SPTBN1: variants seen among roughly 807,000 people sequenced by gnomAD.
SPTBN1 encodes spectrin beta, non-erythrocytic 1, also known as spectrin beta chain, non-erythrocytic 1.
SPTBN1 carries 32 observed loss-of-function variants against 266.4 expected under a neutral mutation model. The ratio of observed to expected loss-of-function variants is 0.12; its 90% CI spans 0.09 to 0.16. SPTBN1 has a LOEUF of 0.16. Among genes scored for constraint, SPTBN1 ranks in the 10% least tolerant of loss-of-function variants. The probability of loss-of-function intolerance (pLI) is 1.00; values close to 1 mark genes in which losing one functional copy is unlikely to be tolerated. For synonymous variants in SPTBN1, 1,336 were observed against 1,162.2 expected, an observed-to-expected ratio of 1.15 and a Z score of -3.04; for missense variants, 2,296 against 3,067.1, an observed-to-expected ratio of 0.75 and a Z score of 5.94.
chr2:54,530,299 T>G (rs1022082913), intron 2 of SPTBN1, among the ~76,000 whole-genome samples: 3 of 148,894 alleles, frequency 2.0e-5, no homozygotes, highest in African/African-American at 7.3e-5. Flanking sequence ...TTACTAATTC[T>G]CACCCAGTTG....
chr2:54,495,679 T>TTTTTTTTTTTTTTTTTTTTTTTATACTC (rs1279259203), intron 1 of SPTBN1, among the ~76,000 whole-genome samples: 7 of 143,078 alleles, frequency 4.9e-5, no homozygotes, highest in South Asian at 2.2e-4. Context: ...GCATGTGTTT[T>TTTTTTTTTTTTTTTTTTTTTTTATACTC]TACCTTTATT....
chr2:54,649,450 C>T lies in SPTBN1; in HGVS notation c.5203-165C>T. On this transcript the variant is annotated intron_variant, in intron 25 of 35. Transcript: ENST00000356805. The surrounding 1 kb of genome is among the most constrained non-coding windows in gnomAD (Gnocchi z 6.7). The stretch of plus-strand genomic sequence containing the variant: ...TGCTGCAGTGAGCAAGAAAGGAAAC[C>T]CAGTTGCTAAGAGGTTCTCGAGCTA... 8.5e-7 allele frequency: 1 copy of T among 1,177,028 alleles called. No individual in the cohort carries two copies. Among genetic ancestry groups the T allele is most frequent in the Non-Finnish European group, 1.2e-6 (1 of 858,062 alleles). 72.9% of individuals were successfully genotyped at this position (1,177,028 alleles called of 1,614,324 possible).
chr2:54,495,675 G>GTTTTTTTTTTTTTTTTTTTTTT (rs1553434192), intron 1 of SPTBN1, among the ~76,000 whole-genome samples: 1 of 99,778 alleles, frequency 1.0e-5, no homozygotes. Context: ...ATTTGCATGT[G>GTTTTTTTTTTTTTTTTTTTTTT]TTTTTACCTT....
At chr2:54,511,183 C>T (rs1669840745) in intron 1 of SPTBN1, among the ~76,000 whole-genome samples, 1 of 152,174 alleles carries the variant, frequency 6.6e-6, no homozygotes, top group Non-Finnish European at 1.5e-5. Context: ...TAGGCACCAT[C>T]GCTCATTTTT....
intron 2 of SPTBN1, among the ~76,000 whole-genome samples, chr2:54,594,916 C>A (rs888983912): frequency 6.8e-6 from 1 of 148,052 alleles, no homozygotes; most frequent in African/African-American, 2.5e-5. Context: ...CTCACTGCAA[C>A]CTTTTTCTCC....
At position 54,526,442 on chromosome 2, in the gene SPTBN1, C is replaced by T. The variant is rs751072695; in HGVS notation, c.24C>T (p.Asp8=). Reference sequence around the variant, plus strand: ...AGATGACGACCACAGTAGCCACAGACTATGACAACATTGAGATCCAGCAGC... The same window carrying T: ...AGATGACGACCACAGTAGCCACAGATTATGACAACATTGAGATCCAGCAGC... MTTTVAT[D]YDNIEIQQQY... The change falls in exon 2 of 36, where the codon GAC becomes GAT. Residue 8 remains aspartate, a synonymous_variant. Transcript: ENST00000356805. 2.5e-6 allele frequency: 4 copies of T among 1,614,210 alleles called. No homozygotes were observed. The highest frequency in any genetic ancestry group is 3.3e-5 in the Admixed American group (2 of 60,030).
chr2:54,577,283 A>G (rs967285109), intron 2 of SPTBN1, among the ~76,000 whole-genome samples: 1 of 152,170 alleles, frequency 6.6e-6, no homozygotes, highest in Non-Finnish European at 1.5e-5. Flanking sequence ...CTGCAAATAA[A>G]TGCATGGCCG....
At chr2:54,662,144 G>T in intron 32 of SPTBN1, 3 of 985,282 alleles carry the variant, frequency 3.0e-6, no homozygotes, top group Non-Finnish European at 3.6e-6. Flanking sequence ...TGGACTAATC[G>T]CTAAAGAGAA....
chr2:54,647,328 C>G lies in SPTBN1; in HGVS notation c.4997+67C>G, dbSNP rs953035319. 8 of 1,569,750 alleles carry G rather than the reference C, an allele frequency of 5.1e-6. No individual in the cohort carries two copies. The African/African-American group carries it at 9.5e-5, about 19-fold the overall frequency. On this transcript the variant is annotated intron_variant, in intron 24 of 35. Coordinates refer to ENST00000356805, the MANE Select transcript of SPTBN1 (RefSeq NM_003128.3). ...CTCTCAGTTAGGGTCTCTTGCTAAC[C>G]CCCACCAAAAGAAAATGTCAGCATT...
intron 2 of SPTBN1, among the ~76,000 whole-genome samples, chr2:54,559,104 T>C (rs1047738636): frequency 2.6e-5 from 4 of 152,242 alleles, no homozygotes; most frequent in African/African-American, 9.6e-5. Flanking sequence ...AGCACCTTTT[T>C]GGCTTTCTAG....
intron 1 of SPTBN1, among the ~76,000 whole-genome samples, chr2:54,512,058 G>A (rs1669882807): frequency 6.6e-6 from 1 of 151,964 alleles, no homozygotes; most frequent in Non-Finnish European, 1.5e-5. Context: ...TTCACAGTAG[G>A]GTTTGCGCTC....
chr2:54,549,378 A>T (rs1167082903), intron 2 of SPTBN1, among the ~76,000 whole-genome samples: 1 of 151,950 alleles, frequency 6.6e-6, no homozygotes, highest in Admixed American at 6.5e-5. Context: ...GCTGCAGCAT[A>T]TGACAGGATT....
intron 1 of SPTBN1, among the ~76,000 whole-genome samples, chr2:54,494,984 A>G (rs570158061): frequency 4.6e-5 from 7 of 151,976 alleles, no homozygotes; most frequent in Non-Finnish European, 1.0e-4. Context: ...CGTTCTTTAT[A>G]TCTCATCCAG....
At chr2:54,539,032 C>T (rs2104388548) in intron 2 of SPTBN1, among the ~76,000 whole-genome samples, 1 of 152,314 alleles carries the variant, frequency 6.6e-6, no homozygotes, top group Non-Finnish European at 1.5e-5. Context: ...CTTTCCTCTT[C>T]AAGAAACTTC....
intron 1 of SPTBN1, among the ~76,000 whole-genome samples, chr2:54,461,063 G>A (rs1370813511): frequency 1.3e-5 from 2 of 152,120 alleles, no homozygotes; most frequent in African/African-American, 4.8e-5. Flanking sequence ...TTCAGGAAGA[G>A]CCTTATACAT....
At position 54,656,031 on chromosome 2, in the gene SPTBN1, G is replaced by C. The variant is rs771047664; in HGVS notation, c.6046+33G>C. 6.6e-5 allele frequency: 102 copies of C among 1,549,184 alleles called. 1 individual carries two copies. The Middle Eastern group carries it at 6.7e-4, about 10-fold the overall frequency. On this transcript the variant is annotated intron_variant, in intron 29 of 35. Transcript: ENST00000356805. ...TGTAGTTTATCTTTCTGCTCTTTTG[G>C]GTATCAATGGAAAACATGCACGTTT...
intron 3 of SPTBN1, among the ~76,000 whole-genome samples, chr2:54,599,781 T>G (rs1676357196): frequency 6.6e-6 from 1 of 152,232 alleles, no homozygotes; most frequent in Non-Finnish European, 1.5e-5. Context: ...GAATTCACCC[T>G]GCCTTTTCAG....
intron 1 of SPTBN1, among the ~76,000 whole-genome samples, chr2:54,520,060 C>T (rs566600345): frequency 7.2e-5 from 11 of 152,158 alleles, no homozygotes; most frequent in South Asian, 2.1e-4. Context: ...CTGTCAGCAC[C>T]GGGTAACCAG....
rs546309187 is a variant in SPTBN1, at chr2:54,569,981, C to A, written c.149-29111C>A. Among the ~76,000 whole-genome samples, 3 of 148,066 alleles carry A rather than the reference C, an allele frequency of 2.0e-5. No individual in the cohort carries two copies. The South Asian group carries it at 6.7e-4, about 33-fold the overall frequency. On this transcript the variant is annotated intron_variant, in intron 2 of 35. Coordinates refer to ENST00000356805, the MANE Select transcript of SPTBN1 (RefSeq NM_003128.3). ...CCCAACTGAAACCATTCCCCCCCCCCTTTAGAAAGATTAGAAGGTTCAGTC... is the reference window on the plus strand; with the variant it reads ...CCCAACTGAAACCATTCCCCCCCCCATTTAGAAAGATTAGAAGGTTCAGTC...
Sources: gnomAD v4.1 joint callset for allele counts (sites outside exome capture counted in the v4.1 genomes callset) on GRCh38, gnomAD v4.1.1 for gene constraint, Gnocchi (gnomAD v3.1) non-coding constraint, MANE v1.5 for transcripts, NCBI Gene and HGNC (gene_info 2026-07-23, HGNC 2026-07-21) for gene names.